PTPN3: variants seen among roughly 807,000 people sequenced by gnomAD.
PTPN3 encodes the protein tyrosine-protein phosphatase non-receptor type 3.
A neutral mutation model predicts 132.7 loss-of-function variants in PTPN3; 96 were observed. The ratio of observed to expected loss-of-function variants is 0.72; its 90% CI spans 0.61 to 0.86. The LOEUF is 0.86. Among genes scored for constraint, PTPN3 ranks in the 40% least tolerant of loss-of-function variants. The probability of loss-of-function intolerance (pLI) is 0.00; values close to 1 mark genes in which losing one functional copy is unlikely to be tolerated. For missense variants in PTPN3, 1,125 were observed against 1,159.6 expected, an observed-to-expected ratio of 0.97 and a Z score of 0.43; for synonymous variants, 398 against 429.0, an observed-to-expected ratio of 0.93 and a Z score of 0.89.
chr9:109,437,191 A>C (rs1194969113), intron 8 of PTPN3, among the ~76,000 whole-genome samples: 2 of 152,202 alleles, frequency 1.3e-5, no homozygotes, highest in African/African-American at 4.8e-5. Flanking sequence ...AAATTAAATA[A>C]TACTTCCCCT....
At chr9:109,532,409 T>C in the PTPN3 span, among the ~76,000 whole-genome samples, 1 of 152,190 alleles carries the variant, frequency 6.6e-6, no homozygotes, top group East Asian at 1.9e-4. Flanking sequence ...CTCTTTTTAT[T>C]ACTATTATTA....
intron 6 of PTPN3, among the ~76,000 whole-genome samples, chr9:109,446,550 T>C (rs900792133): frequency 3.9e-5 from 6 of 152,148 alleles, no homozygotes; most frequent in Admixed American, 6.5e-5. Context: ...GTGGGGAGGA[T>C]AGGCAGAAAC....
the PTPN3 span, among the ~76,000 whole-genome samples, chr9:109,512,057 C>T: frequency 2.0e-5 from 3 of 152,262 alleles, no homozygotes; most frequent in Middle Eastern, 3.4e-3. Flanking sequence ...TTTGGTAGGG[C>T]GAGGTCCAGG....
At chr9:109,393,467 C>T (rs1432433364) in intron 19 of PTPN3, among the ~76,000 whole-genome samples, 1 of 147,192 alleles carries the variant, frequency 6.8e-6, no homozygotes, top group Non-Finnish European at 1.5e-5. Flanking sequence ...CTCACTGTAA[C>T]CTCCATCCCC....
intron 19 of PTPN3, among the ~76,000 whole-genome samples, chr9:109,402,657 A>G (rs1841238979): frequency 6.6e-6 from 1 of 152,216 alleles, no homozygotes; most frequent in South Asian, 2.1e-4. Flanking sequence ...CCCTTTGTAG[A>G]ATACTCAGTA....
At chr9:109,429,279 A>T (rs1001973564) in intron 10 of PTPN3, among the ~76,000 whole-genome samples, 6 of 152,200 alleles carry the variant, frequency 3.9e-5, no homozygotes, top group Admixed American at 3.3e-4. Flanking sequence ...AGACATCACC[A>T]AAGTGCTCAA....
intron 12 of PTPN3, among the ~76,000 whole-genome samples, chr9:109,423,913 A>C (rs1325144984): frequency 6.6e-6 from 1 of 152,222 alleles, no homozygotes; most frequent in Non-Finnish European, 1.5e-5. Flanking sequence ...CAAACAAAAG[A>C]ACATAAACAA....
In PTPN3 at chr9:109,379,550, G is replaced by C; in HGVS notation, c.*6C>G. On this transcript the variant is annotated 3_prime_UTR_variant, in exon 26 of 26. Transcript: ENST00000374541. ...GGAAAGAGGAATGAACTTTTTCACA[G>C]TTGTCTTAACTAGGATCCAGCATTT... 6.2e-7 allele frequency: 1 copy of C among 1,611,048 alleles called. No homozygotes were observed. The highest frequency in any genetic ancestry group is 8.5e-7 in the Non-Finnish European group (1 of 1,177,284).
chr9:109,496,595 CTG>C (rs1847679680), intron 1 of PTPN3, among the ~76,000 whole-genome samples: 1 of 152,210 alleles, frequency 6.6e-6, no homozygotes, highest in South Asian at 2.1e-4. Context: ...TGAATGTACT[CTG>C]TAAGTTCTAT....
chr9:109,391,618 GAAAACATAC>G, intron 19 of PTPN3, 57 bp from the exon 20 acceptor site: 1 of 1,407,240 alleles, frequency 7.1e-7, no homozygotes, highest in Non-Finnish European at 9.9e-7. Flanking sequence ...AAGAAAGTGT[GAAAACATAC>G]TTTATCATTC....
chr9:109,516,106 G>A, the PTPN3 span, among the ~76,000 whole-genome samples: 12 of 152,266 alleles, frequency 7.9e-5, no homozygotes, highest in South Asian at 2.5e-3. Flanking sequence ...ATTTAATGAA[G>A]CCATCTGTCC....
chr9:109,464,673 G>GA (rs1345063535), intron 1 of PTPN3, among the ~76,000 whole-genome samples: 2 of 152,134 alleles, frequency 1.3e-5, no homozygotes, highest in Non-Finnish European at 2.9e-5. Context: ...TCCTAAGCTG[G>GA]AAAAGACCCC....
chr9:109,532,957 T>G, the PTPN3 span: 1 of 295,128 alleles, frequency 3.4e-6, no homozygotes, highest in South Asian at 1.1e-4. Flanking sequence ...TTTTTTTTTT[T>G]TTTTTTTTTT....
At chr9:109,422,977 G>T (rs1842987964) in intron 12 of PTPN3, 125 bp from the exon 13 acceptor site, 2 of 1,164,642 alleles carry the variant, frequency 1.7e-6, no homozygotes, top group Non-Finnish European at 2.4e-6. Context: ...CAAGGTTATG[G>T]GGAGTAGAGG....
the PTPN3 span, among the ~76,000 whole-genome samples, chr9:109,536,491 A>G: frequency 1.3e-5 from 2 of 152,216 alleles, no homozygotes; most frequent in African/African-American, 4.8e-5. Context: ...TCAAAGCGCA[A>G]TGATACGATG....
intron 1 of PTPN3, among the ~76,000 whole-genome samples, chr9:109,466,678 C>G (rs776020776): frequency 6.6e-6 from 1 of 152,142 alleles, no homozygotes; most frequent in Non-Finnish European, 1.5e-5. Context: ...GCTGCTGCTG[C>G]CAGGGTCCAT....
At chr9:109,439,480 G>A (rs2900490) in intron 7 of PTPN3, among the ~76,000 whole-genome samples, 51,410 of 152,038 alleles carry the variant, frequency 0.34, 9,612 homozygotes, top group African/African-American at 0.48. Context: ...CAACACCAAA[G>A]ATTTCCAAAT....
chr9:109,461,001 CA>C (rs1845821080), intron 2 of PTPN3, among the ~76,000 whole-genome samples: 1 of 152,176 alleles, frequency 6.6e-6, no homozygotes, highest in Admixed American at 6.5e-5. Flanking sequence ...AGCTCCAAGA[CA>C]GACAAACACA....
Position 109,482,433 on chromosome 9 carries a change from T to C in PTPN3, c.-18+15786A>G, listed in dbSNP as rs1357279040. ...ACCGCAACTAATTAAAACAAAGGAA[T>C]CTGAAAGACAAAAAAACCCCACATG... is the stretch of plus-strand genomic sequence containing the variant. On this transcript the variant is annotated intron_variant, in intron 1 of 25. Coordinates refer to ENST00000374541, the MANE Select transcript of PTPN3 (RefSeq NM_002829.4). Among the ~76,000 whole-genome samples the C allele has an allele frequency of 6.6e-5, 10 of 152,110 alleles. No individual in the cohort carries two copies. The South Asian group carries it at 1.9e-3, about 28-fold the overall frequency.
Sources: gnomAD v4.1 joint callset for allele counts (sites outside exome capture counted in the v4.1 genomes callset) on GRCh38, gnomAD v4.1.1 for gene constraint, MANE v1.5 for transcripts, NCBI Gene and HGNC (gene_info 2026-07-23, HGNC 2026-07-21) for gene names.